The following TOX variants were observed in gnomAD, a reference collection of about 807,000 sequenced individuals.
The protein encoded by TOX is thymocyte selection associated high mobility group box, also known as thymocyte selection-associated high mobility group box protein TOX.
In TOX, 11 loss-of-function variants were observed where a neutral mutation model predicts 53.7. The observed-to-expected ratio is 0.20, with a 90% CI of 0.13 to 0.34. The LOEUF is 0.34. Among genes scored for constraint, TOX ranks in the 10% least tolerant of loss-of-function variants. TOX has a pLI of 1.00. For synonymous variants in TOX, 225 were observed against 245.3 expected, an observed-to-expected ratio of 0.92 and a Z score of 0.77; for missense variants, 570 against 664.6, an observed-to-expected ratio of 0.86 and a Z score of 1.56.
chr8:59,112,479 T>C (rs1157774483), intron 1 of TOX, among the ~76,000 whole-genome samples: 1 of 152,226 alleles, frequency 6.6e-6, no homozygotes, highest in Non-Finnish European at 1.5e-5. Flanking sequence ...GGTATCATCT[T>C]GGCACTGTAG....
intron 1 of TOX, among the ~76,000 whole-genome samples, chr8:59,047,577 C>G (rs755353977): frequency 6.8e-6 from 1 of 148,070 alleles, no homozygotes; most frequent in Non-Finnish European, 1.5e-5. Flanking sequence ...TTTTTTTTTT[C>G]CTAGAGACGG....
chr8:58,981,871 C>T (rs1446117144), intron 1 of TOX, among the ~76,000 whole-genome samples: 3 of 152,154 alleles, frequency 2.0e-5, no homozygotes, highest in African/African-American at 7.2e-5. Flanking sequence ...CTGTATCCCT[C>T]CTGGTAACTT....
rs1302354037 is a variant in TOX, at chr8:58,949,953, A to G, written c.168+9990T>C. Among the ~76,000 whole-genome samples the G allele has an allele frequency of 2.8e-3, 329 of 116,556 alleles. 4 individuals carry two copies. Among genetic ancestry groups the G allele is most frequent in the Non-Finnish European group, 3.5e-3 (196 of 56,296 alleles). The allele number at this position is 116,556 out of a possible 152,430, so 76.5% of individuals were successfully genotyped here. A position where few individuals can be genotyped will look rare whatever the true frequency, so the allele number is the denominator to read the frequency against. ...TGTATAGTTCATATACACGTGTAAT[A>G]TACAATTACATGTGTATAGTTCATA... On this transcript the variant is annotated intron_variant, in intron 2 of 8. Transcript: ENST00000361421.
In TOX at chr8:58,945,714, T is replaced by G. The variant is rs558989956; in HGVS notation, c.169-6170A>C. Among the ~76,000 whole-genome samples, 3 of 152,364 alleles carry G rather than the reference T, an allele frequency of 2.0e-5. No homozygotes were observed. The South Asian group carries it at 6.2e-4, about 32-fold the overall frequency. ...ACATCTGGAAATGGAATGTTAATTA[T>G]GCTGACTTTTCTTTTGACTACAGAG... On this transcript the variant is annotated intron_variant, in intron 2 of 8. Transcript: ENST00000361421.
rs149177379 is a variant in TOX at position 59,103,640 on chromosome 8, A to C, written c.102+15246T>G. ...CTGAGATATAAATTCCCTCCCATTC[A>C]TTAGGGCACTCCAGTGGAAAAGTTG... On this transcript the variant is annotated intron_variant, in intron 1 of 8. Coordinates refer to ENST00000361421, the MANE Select transcript of TOX (RefSeq NM_014729.3). 2.4e-3 allele frequency among the ~76,000 whole-genome samples: 371 copies of C among 152,320 alleles called. 3 individuals carry two copies. The highest frequency in any genetic ancestry group is 3.9e-3 in the Non-Finnish European group (263 of 68,010).
chr8:58,888,365 A>G (rs977435348), intron 3 of TOX, among the ~76,000 whole-genome samples: 3 of 152,124 alleles, frequency 2.0e-5, no homozygotes, highest in African/African-American at 7.2e-5. Context: ...TGTAAGATAT[A>G]TAAGAAAACT....
intron 3 of TOX, among the ~76,000 whole-genome samples, chr8:58,896,623 C>T (rs543779290): frequency 1.3e-5 from 2 of 151,996 alleles, no homozygotes; most frequent in South Asian, 2.1e-4. Context: ...TGCAGTGAGC[C>T]GAGATCATGC....
intron 2 of TOX, among the ~76,000 whole-genome samples, chr8:58,958,254 T>A (rs1217745441): frequency 6.6e-6 from 1 of 152,212 alleles, no homozygotes; most frequent in Non-Finnish European, 1.5e-5. Flanking sequence ...AAGGGCTTAA[T>A]ATTATGCATT....
intron 3 of TOX, among the ~76,000 whole-genome samples, chr8:58,906,574 A>G (rs909217211): frequency 2.0e-5 from 3 of 152,230 alleles, no homozygotes; most frequent in Admixed American, 6.5e-5. Flanking sequence ...TTTTAAAACC[A>G]TAAGATAAAA....
chr8:58,950,325 A>T (rs1038345516), intron 2 of TOX, among the ~76,000 whole-genome samples: 8 of 152,200 alleles, frequency 5.3e-5, no homozygotes, highest in Non-Finnish European at 1.0e-4. Context: ...AAATCAACAA[A>T]TGCTGGGTGC....
chr8:59,116,267 A>G (rs759663091), intron 1 of TOX, among the ~76,000 whole-genome samples: 12 of 152,232 alleles, frequency 7.9e-5, no homozygotes, highest in Non-Finnish European at 1.5e-4. Flanking sequence ...ACTGACTGCT[A>G]TTTGTAGTAA....
At chr8:58,873,958 C>CT (rs1173710545) in intron 3 of TOX, among the ~76,000 whole-genome samples, 429 of 40,126 alleles carry the variant, frequency 0.011, 82 homozygotes, top group East Asian at 0.018. Flanking sequence ...TGCCAGGAAG[C>CT]TTTTTTTTTT....
chr8:58,919,159 C>G (rs927234565), intron 3 of TOX, among the ~76,000 whole-genome samples: 13 of 151,442 alleles, frequency 8.6e-5, no homozygotes, highest in Admixed American at 2.0e-4. Context: ...CAATGCCATC[C>G]CCATCAAGCT....
At chr8:58,980,750 C>T (rs1813191003) in intron 1 of TOX, among the ~76,000 whole-genome samples, 1 of 152,158 alleles carries the variant, frequency 6.6e-6, no homozygotes, top group Non-Finnish European at 1.5e-5. Context: ...CAAATCTACC[C>T]ACTCTTTCCT....
chr8:59,060,273 C>T (rs1031935856), intron 1 of TOX, among the ~76,000 whole-genome samples: 5 of 152,132 alleles, frequency 3.3e-5, no homozygotes, highest in Non-Finnish European at 5.9e-5. Context: ...ACTTACTTAT[C>T]GCAACTCTTC....
At chr8:58,935,230 AC>A (rs1357620988) in intron 3 of TOX, among the ~76,000 whole-genome samples, 1 of 152,122 alleles carries the variant, frequency 6.6e-6, no homozygotes, top group African/African-American at 2.4e-5. Flanking sequence ...CATATATAAA[AC>A]ATCACAATAA....
At chr8:59,026,037 A>G (rs1460873105) in intron 1 of TOX, among the ~76,000 whole-genome samples, 1 of 152,212 alleles carries the variant, frequency 6.6e-6, no homozygotes, top group Non-Finnish European at 1.5e-5. Context: ...CAAGAGTGGC[A>G]AAAAAATGAG....
chr8:59,009,327 C>T (rs1813854762), intron 1 of TOX, among the ~76,000 whole-genome samples: 1 of 149,594 alleles, frequency 6.7e-6, no homozygotes, highest in South Asian at 2.1e-4. Context: ...TCCTTCTTTC[C>T]TTCCTTCCTT....
chr8:58,876,780 G>A (rs939099799), intron 3 of TOX, among the ~76,000 whole-genome samples: 10 of 152,140 alleles, frequency 6.6e-5, no homozygotes, highest in Admixed American at 2.6e-4. Context: ...ACAGCTATTC[G>A]TGGAGTGCCT....
Sources: gnomAD v4.1 joint callset for allele counts (sites outside exome capture counted in the v4.1 genomes callset) on GRCh38, gnomAD v4.1.1 for gene constraint, MANE v1.5 for transcripts, NCBI Gene and HGNC (gene_info 2026-07-23, HGNC 2026-07-21) for gene names.